Variants in ROBO2 observed in about 807,000 individuals in gnomAD.
ROBO2 encodes the protein roundabout homolog 2.
ROBO2 carries 53 observed loss-of-function variants against 160.8 expected under a neutral mutation model. That is an observed-to-expected ratio of 0.33 (90% CI 0.26 to 0.41). The LOEUF is 0.41. ROBO2 is among the 10% of genes least tolerant of loss of function. The pLI is 1.00. For missense variants in ROBO2, 1,577 were observed against 1,722.4 expected (o/e 0.92, Z 1.49); for synonymous variants, 664 against 611.7 (o/e 1.09, Z -1.26).
At chr3:76,356,929 TA>T (rs1409928717) in intron 2 of ROBO2, among the ~76,000 whole-genome samples, 1 of 151,920 alleles carries the variant, frequency 6.6e-6, no homozygotes, top group South Asian at 2.1e-4. Context: ...AGTATTAAAT[TA>T]AAAGTCACAT....
intron 2 of ROBO2, among the ~76,000 whole-genome samples, chr3:76,220,876 A>G (rs967065534): frequency 6.6e-5 from 10 of 152,144 alleles, no homozygotes; most frequent in African/African-American, 1.2e-4. Context: ...TCTACCACCC[A>G]TTCTGTATTT....
intron 2 of ROBO2, among the ~76,000 whole-genome samples, chr3:77,254,440 C>T (rs1030481849): frequency 2.1e-4 from 30 of 146,166 alleles, no homozygotes; most frequent in Admixed American, 1.0e-3. Flanking sequence ...TAAAATACTT[C>T]TTTTTTTTTT....
At chr3:76,124,848 T>A (rs1022564172) in intron 2 of ROBO2, among the ~76,000 whole-genome samples, 29 of 152,156 alleles carry the variant, frequency 1.9e-4, no homozygotes, top group Admixed American at 5.9e-4. Context: ...TTTAATTTTT[T>A]AAAAATATTT....
intron 2 of ROBO2, among the ~76,000 whole-genome samples, chr3:77,025,253 C>T (rs1426449542): frequency 1.3e-5 from 2 of 152,078 alleles, no homozygotes; most frequent in Non-Finnish European, 2.9e-5. Context: ...TTGGACTTGT[C>T]TTTACTAATA....
At chr3:76,247,808 A>T (rs1225339192) in intron 2 of ROBO2, among the ~76,000 whole-genome samples, 2 of 152,018 alleles carry the variant, frequency 1.3e-5, no homozygotes, top group African/African-American at 4.8e-5. Context: ...GAAAAAAACA[A>T]CCCCATCAAA....
intron 2 of ROBO2, among the ~76,000 whole-genome samples, chr3:77,022,558 A>C (rs2062705018): frequency 6.6e-6 from 1 of 152,158 alleles, no homozygotes; most frequent in Non-Finnish European, 1.5e-5. Flanking sequence ...TTCTTCATCA[A>C]ACTTAAACAT....
At chr3:77,310,370 T>C (rs1405083056) in intron 2 of ROBO2, among the ~76,000 whole-genome samples, 1 of 152,176 alleles carries the variant, frequency 6.6e-6, no homozygotes, top group African/African-American at 2.4e-5. Flanking sequence ...TTGAGAAAGA[T>C]GTTTTTGAAG....
chr3:77,135,460 A>T (rs747458778), intron 2 of ROBO2, among the ~76,000 whole-genome samples: 6 of 151,904 alleles, frequency 3.9e-5, no homozygotes, highest in Non-Finnish European at 8.8e-5. Context: ...GAGTGCAGTG[A>T]TGTGATCTCT....
At chr3:76,134,723 T>C (rs1480998813) in intron 2 of ROBO2, among the ~76,000 whole-genome samples, 2 of 152,092 alleles carry the variant, frequency 1.3e-5, no homozygotes, top group East Asian at 3.9e-4. Context: ...TCTGGATTCC[T>C]GACCCATGGA....
rs140920827 is a variant in ROBO2, at chr3:76,742,089, G to A, written c.110-355925G>A. On this transcript the variant is annotated intron_variant, in intron 2 of 26. Transcript: ENST00000487694. ...AAAATTTCATTATATACGAAGATTTGAATACCTTCATGAGAGTAGAAACAG... is the reference window on the plus strand; with the variant it reads ...AAAATTTCATTATATACGAAGATTTAAATACCTTCATGAGAGTAGAAACAG... Among the ~76,000 whole-genome samples, 992 of 152,126 alleles carry A rather than the reference G, an allele frequency of 6.5e-3. 6 individuals carry two copies. Among genetic ancestry groups the A allele is most frequent in the Middle Eastern group, 0.024 (7 of 294 alleles).
intron 2 of ROBO2, among the ~76,000 whole-genome samples, chr3:76,943,260 C>G (rs1257194705): frequency 6.6e-6 from 1 of 152,158 alleles, no homozygotes; most frequent in Non-Finnish European, 1.5e-5. Flanking sequence ...GAATTCCCTT[C>G]CATGAGCCTC....
intron 4 of ROBO2, among the ~76,000 whole-genome samples, chr3:77,491,446 T>C (rs534768478): frequency 1.3e-5 from 2 of 152,164 alleles, no homozygotes; most frequent in Non-Finnish European, 2.9e-5. Context: ...GCTTCCTATG[T>C]GAATGATTTA....
At chr3:76,231,344 A>C (rs527532646) in intron 2 of ROBO2, among the ~76,000 whole-genome samples, 1 of 152,198 alleles carries the variant, frequency 6.6e-6, no homozygotes, top group Admixed American at 6.5e-5. Context: ...TCTTTCCCTT[A>C]GCACCCACTG....
chr3:77,335,281 C>T (rs555521367), intron 2 of ROBO2, among the ~76,000 whole-genome samples: 7 of 152,266 alleles, frequency 4.6e-5, no homozygotes, highest in East Asian at 3.9e-4. Flanking sequence ...CTGATGCATA[C>T]TTGTAATCCC....
At chr3:76,631,722 G>A (rs750814634) in intron 2 of ROBO2, among the ~76,000 whole-genome samples, 24 of 152,238 alleles carry the variant, frequency 1.6e-4, no homozygotes, top group South Asian at 6.2e-4. Context: ...CTGGCTATAG[G>A]GCATTGGAAA....
intron 2 of ROBO2, among the ~76,000 whole-genome samples, chr3:76,146,248 T>C (rs2071883138): frequency 6.6e-6 from 1 of 152,168 alleles, no homozygotes; most frequent in Middle Eastern, 3.4e-3. Flanking sequence ...TTAAATTCTT[T>C]ATCACATTCC....
chr3:76,551,476 A>AC (rs1362616301), intron 2 of ROBO2, among the ~76,000 whole-genome samples: 1 of 151,948 alleles, frequency 6.6e-6, no homozygotes, highest in African/African-American at 2.4e-5. Flanking sequence ...AGAACTCAGG[A>AC]CCCACCTAAT....
chr3:76,575,356 A>G (rs570498970), intron 2 of ROBO2, among the ~76,000 whole-genome samples: 1 of 152,204 alleles, frequency 6.6e-6, no homozygotes, highest in African/African-American at 2.4e-5. Context: ...ACTAATATTT[A>G]TAGTTAGTAC....
At chr3:77,198,949 T>C (rs573782118) in intron 2 of ROBO2, among the ~76,000 whole-genome samples, 1 of 152,234 alleles carries the variant, frequency 6.6e-6, no homozygotes, top group South Asian at 2.1e-4. Context: ...TTTTACCAAG[T>C]ATTTTGTAAA....
Sources: allele counts gnomAD v4.1 joint callset (sites outside exome capture counted in the v4.1 genomes callset), GRCh38; gene constraint gnomAD v4.1.1; transcripts MANE v1.5; gene names NCBI Gene and HGNC (gene_info 2026-07-23, HGNC 2026-07-21).